The following SPTBN5 variants were observed in gnomAD, a reference collection of about 807,000 sequenced individuals.
The protein encoded by SPTBN5 is spectrin beta, non-erythrocytic 5.
A neutral mutation model predicts 477.6 loss-of-function variants in SPTBN5; 513 were observed. The observed-to-expected ratio is 1.07, with a 90% CI of 1.00 to 1.16. SPTBN5 has a LOEUF of 1.16. Ranked by LOEUF, SPTBN5 falls within the 50% of genes most tolerant of loss-of-function variation. The probability of loss-of-function intolerance (pLI) is 0.00; values close to 1 mark genes in which losing one functional copy is unlikely to be tolerated. For missense variants in SPTBN5, 5,062 were observed against 4,731.8 expected, an observed-to-expected ratio of 1.07 and a Z score of -2.05; for synonymous variants, 2,169 against 2,011.7, an observed-to-expected ratio of 1.08 and a Z score of -2.09.
chr15:41,885,823 G>A lies in SPTBN5; in HGVS notation c.1432C>T (p.Pro478Ser). Residue 478 changes from proline to serine, a missense_variant, in exon 7 of 68, where the codon CCC becomes TCC. By Grantham distance (74) the Pro-to-Ser change is moderately conservative (BLOSUM62 -1). Transcript: ENST00000320955. ...AGGGCCTGGAAGCGCCCCTCCTGGG[G>A]CAGGATGCCAGCCTCCAGCATGCCC... ...RLGMLEAGIL[P>S]QEGRFQALAE... The A allele has an allele frequency of 6.4e-7, 1 of 1,558,788 alleles. No individual in the cohort carries two copies. Among genetic ancestry groups the A allele is most frequent in the South Asian group, 1.2e-5 (1 of 84,616 alleles).
At chr15:41,873,788 C>A in intron 25 of SPTBN5, 57 bp downstream of exon 25, 2 of 1,591,344 alleles carry the variant, frequency 1.3e-6, no homozygotes, top group South Asian at 2.2e-5. Context: ...CACAGGTGGC[C>A]CCTCAAGGAG....
chr15:41,853,630 G>A lies in SPTBN5; in HGVS notation c.9932C>T (p.Ala3311Val), dbSNP rs541350821. The A allele has an allele frequency of 7.4e-4, 1,178 of 1,592,574 alleles. 10 individuals carry two copies. The South Asian group carries it at 0.01, about 14-fold the overall frequency. Reference protein sequence around the residue: ...AKAQERGQWLAQAAQGHAFLG... With the variant: ...AKAQERGQWLVQAAQGHAFLG... ...GAAGGCATGGCCCTGTGCAGCCTGC[G>A]CCAGCCACTGGCCTCGCTCCTGGGC... Residue 3311 changes from alanine to valine, a missense_variant, in exon 58 of 68, where the codon GCG becomes GTG. Ala to Val is a moderately conservative substitution (Grantham distance 64). Transcript: ENST00000320955.
intron 3 of SPTBN5, among the ~76,000 whole-genome samples, chr15:41,892,359 C>T (rs895606347): frequency 9.2e-5 from 14 of 152,118 alleles, no homozygotes; most frequent in East Asian, 1.9e-4. Context: ...CCTGGAGCTC[C>T]GGCCTCCTTT....
chr15:41,858,990 G>A lies in SPTBN5; in HGVS notation c.7989-10C>T. 1 of 1,533,258 alleles carries A rather than the reference G, an allele frequency of 6.5e-7. No individual in the cohort carries two copies. The highest frequency in any genetic ancestry group is 8.8e-7 in the Non-Finnish European group (1 of 1,140,184). 95.0% of individuals were successfully genotyped at this position (1,533,258 alleles called of 1,614,324 possible). A position where few individuals can be genotyped will look rare whatever the true frequency, so the allele number is the denominator to read the frequency against. The stretch of plus-strand genomic sequence containing the variant: ...GAAGAGCGCCTCCTTCCTGCCAGGA[G>A]GAGAGGCTCATGGGCCTGGAGCCAC... On this transcript the variant is annotated splice_polypyrimidine_tract_variant and intron_variant, in intron 47 of 67. Coordinates refer to ENST00000320955, the MANE Select transcript of SPTBN5 (RefSeq NM_016642.4).
At chr15:41,869,719 C>T (rs1161381575) in intron 32 of SPTBN5, 122 bp downstream of exon 32, 3 of 1,101,540 alleles carry the variant, frequency 2.7e-6, no homozygotes, top group African/African-American at 1.6e-5. Flanking sequence ...TGCTCGTGCT[C>T]TCCCACCCAA....
At chr15:41,850,000 C>T (rs960305296) in intron 66 of SPTBN5, 41 bp from the exon 67 acceptor site, 2 of 1,505,300 alleles carry the variant, frequency 1.3e-6, no homozygotes, top group Non-Finnish European at 9.1e-7. Context: ...CCGGCCCAGA[C>T]CATCTGCAGG....
At chr15:41,865,714 C>T (rs986665986) in intron 39 of SPTBN5, 94 bp downstream of exon 39, 27 of 1,175,548 alleles carry the variant, frequency 2.3e-5, no homozygotes, top group South Asian at 1.9e-4. Flanking sequence ...ATGGCGCCCA[C>T]GCCCTGCTCT....
intron 7 of SPTBN5, among the ~76,000 whole-genome samples, chr15:41,885,329 TTTA>T (rs1347585569): frequency 5.3e-5 from 8 of 152,156 alleles, no homozygotes; most frequent in Admixed American, 1.3e-4. Flanking sequence ...CGGCCTCTCC[TTTA>T]TTATTATTAT....
intron 34 of SPTBN5, among the ~76,000 whole-genome samples, chr15:41,867,853 A>G (rs1275940790): frequency 6.6e-6 from 1 of 152,228 alleles, no homozygotes; most frequent in Non-Finnish European, 1.5e-5. Context: ...GCCTCTGGCC[A>G]ACTTCCTCGG....
chr15:41,873,591 T>C lies in SPTBN5; in HGVS notation c.4908A>G (p.Ser1636=), dbSNP rs1319288634. Reference sequence around the variant, plus strand: ...TCTCCTCCACCCAGCCCTCCAGCTCTGACACATCCAGAAAGTACTGCCAAG... The same window carrying C: ...TCTCCTCCACCCAGCCCTCCAGCTCCGACACATCCAGAAAGTACTGCCAAG... ...VTFQQYFLDV[S]ELEGWVEEKR... is the part of the protein sequence containing the mutation. Residue 1636 remains serine, a synonymous_variant, in exon 26 of 68, where the codon TCA becomes TCG. Transcript: ENST00000320955. 9 of 1,551,942 alleles carry C rather than the reference T, an allele frequency of 5.8e-6. No homozygotes were observed. The highest frequency in any genetic ancestry group is 8.7e-7 in the Non-Finnish European group (1 of 1,147,290).
intron 45 of SPTBN5, 56 bp downstream of exon 45, chr15:41,861,679 A>C: frequency 2.0e-6 from 3 of 1,509,410 alleles, no homozygotes; most frequent in Non-Finnish European, 2.7e-6. Context: ...CTGTGGGGTC[A>C]GCGCAGGCCC....
Position 41,870,428 on chromosome 15 carries a change from C to A in SPTBN5, c.5562+18G>T. ...AGCCTGGAGTGTATCCACTTCTAGCCACCCCTCCGGCTCACACCTGGACCT... is the reference window on the plus strand; with the variant it reads ...AGCCTGGAGTGTATCCACTTCTAGCAACCCCTCCGGCTCACACCTGGACCT... On this transcript the variant is annotated intron_variant, in intron 30 of 67. Coordinates refer to ENST00000320955, the MANE Select transcript of SPTBN5 (RefSeq NM_016642.4). 6.2e-7 allele frequency: 1 copy of A among 1,612,660 alleles called. No homozygotes were observed. Among genetic ancestry groups the A allele is most frequent in the Non-Finnish European group, 8.5e-7 (1 of 1,179,144 alleles).
chr15:41,868,023 G>T (rs2066391452), intron 34 of SPTBN5, 46 bp downstream of exon 34: 5 of 1,554,908 alleles, frequency 3.2e-6, no homozygotes, highest in Non-Finnish European at 3.4e-6. Flanking sequence ...GAATAGAAAG[G>T]AGGAGCAGGA....
Position 41,874,454 on chromosome 15 carries a change from C to T in SPTBN5, c.4527G>A (p.Leu1509=). 1 of 1,610,860 alleles carries T rather than the reference C, an allele frequency of 6.2e-7. No homozygotes were observed. The highest frequency in any genetic ancestry group is 1.1e-5 in the South Asian group (1 of 90,924). Residue 1509 remains leucine (L), a synonymous_variant, in exon 24 of 68, where the codon CTG becomes CTA. Transcript: ENST00000320955. The part of the protein sequence containing the change: ...LRRLELLQGH[L]AIRGLQLQAS... Reference sequence around the variant, plus strand: ...CCTGCAGCTGCAGGCCCCGGATGGCCAGATGCCCCTGCAGAAGCTCCAGCC... The same window carrying T: ...CCTGCAGCTGCAGGCCCCGGATGGCTAGATGCCCCTGCAGAAGCTCCAGCC...
intron 67 of SPTBN5, 39 bp from the exon 68 acceptor site, chr15:41,848,667 A>T (rs1411512717): frequency 6.2e-7 from 1 of 1,613,016 alleles, no homozygotes; most frequent in East Asian, 2.2e-5. Flanking sequence ...GGGTATGGCC[A>T]CCCCAGAATC....
In SPTBN5 at chr15:41,893,409, GGCGGGACCC is replaced by G; in HGVS notation, c.80_88del (p.Arg27_Pro29del). ...AGAGTCCATGGTGAGACTTGGACTG[GGCGGGACCC>G]GGAGTTCTGTGCTGGGCCTCCTGCT... On this transcript the variant is annotated inframe_deletion, in exon 2 of 68. Coordinates refer to ENST00000320955, the MANE Select transcript of SPTBN5 (RefSeq NM_016642.4). 6.2e-7 allele frequency: 1 copy of G among 1,613,480 alleles called. No individual in the cohort carries two copies. Among genetic ancestry groups the G allele is most frequent in the African/African-American group, 1.3e-5 (1 of 75,060 alleles).
chr15:41,857,218 G>A lies in SPTBN5; in HGVS notation c.8621+20C>T. The A allele has an allele frequency of 1.3e-6, 2 of 1,573,394 alleles. No homozygotes were observed. Among genetic ancestry groups the A allele is most frequent in the Non-Finnish European group, 1.7e-6 (2 of 1,156,612 alleles). ...TCCAGGAAGGCAGGGAAGAGAAGCT[G>A]AGGGCACGGGTGGATCTACCTCTGA... is the stretch of plus-strand genomic sequence containing the variant. On this transcript the variant is annotated intron_variant, in intron 51 of 67. Coordinates refer to ENST00000320955, the MANE Select transcript of SPTBN5 (RefSeq NM_016642.4).
chr15:41,861,277 G>T, intron 46 of SPTBN5, 142 bp downstream of exon 46: 2 of 716,356 alleles, frequency 2.8e-6, no homozygotes, highest in Admixed American at 2.2e-5. Flanking sequence ...TAACTGCCCA[G>T]TGACGGATGT....
intron 67 of SPTBN5, 39 bp from the exon 68 acceptor site, chr15:41,848,667 A>G (rs1411512717): frequency 6.2e-7 from 1 of 1,613,016 alleles, no homozygotes; most frequent in South Asian, 1.1e-5. Context: ...GGGTATGGCC[A>G]CCCCAGAATC....
Sources: allele counts gnomAD v4.1 joint callset (sites outside exome capture counted in the v4.1 genomes callset), GRCh38; gene constraint gnomAD v4.1.1; transcripts MANE v1.5; gene names NCBI Gene and HGNC (gene_info 2026-07-23, HGNC 2026-07-21).